The following DIP2A variants were observed in gnomAD, a reference collection of about 807,000 sequenced individuals.
DIP2A encodes disco-interacting protein 2 homolog A.
In DIP2A, 85 loss-of-function variants were observed where a neutral mutation model predicts 177.4. The observed-to-expected ratio is 0.48, with a 90% CI of 0.40 to 0.57. The LOEUF (loss-of-function observed/expected upper bound fraction) is 0.57. Ranked by LOEUF, DIP2A falls within the 20% of genes least tolerant of loss-of-function variation. The probability of loss-of-function intolerance (pLI) is 0.00; values close to 1 mark genes in which losing one functional copy is unlikely to be tolerated. For synonymous variants in DIP2A, 886 were observed against 881.8 expected, an observed-to-expected ratio of 1.00 and a Z score of -0.08; for missense variants, 1,791 against 2,100.2, an observed-to-expected ratio of 0.85 and a Z score of 2.88.
the DIP2A span, among the ~76,000 whole-genome samples, chr21:46,577,859 A>T: frequency 6.6e-6 from 1 of 152,170 alleles, no homozygotes; most frequent in Admixed American, 6.5e-5. Context: ...TTCCCTTGTT[A>T]ACTGTATTCC....
At chr21:46,504,744 A>G (rs2057885486) in intron 6 of DIP2A, among the ~76,000 whole-genome samples, 1 of 152,208 alleles carries the variant, frequency 6.6e-6, no homozygotes. Context: ...CCAAATTTAG[A>G]TAGGATGCAA....
chr21:46,484,211 G>C (rs1255791292), intron 1 of DIP2A, among the ~76,000 whole-genome samples: 1 of 152,134 alleles, frequency 6.6e-6, no homozygotes, highest in African/African-American at 2.4e-5. Flanking sequence ...TTTGGGATAT[G>C]GCCTTAGAGT....
intron 2 of DIP2A, among the ~76,000 whole-genome samples, chr21:46,490,138 AGGG>A (rs2056925056): frequency 2.6e-5 from 4 of 152,144 alleles, no homozygotes; most frequent in Non-Finnish European, 5.9e-5. Context: ...TTTGTATCAG[AGGG>A]CTACTGGTGG....
chr21:46,540,984 C>T (rs1219023860), intron 17 of DIP2A, among the ~76,000 whole-genome samples: 1 of 146,198 alleles, frequency 6.8e-6, no homozygotes, highest in Non-Finnish European at 1.5e-5. Flanking sequence ...CATTGCACTC[C>T]AGCCTGGGCA....
chr21:46,529,223 G>A, intron 9 of DIP2A, 40 bp downstream of exon 9: 3 of 1,211,490 alleles, frequency 2.5e-6, no homozygotes, highest in Non-Finnish European at 3.5e-6. Flanking sequence ...AGGAGCAAAA[G>A]CAGGGACTTA....
intron 34 of DIP2A, 85 bp downstream of exon 34, chr21:46,561,890 G>C: frequency 6.3e-7 from 1 of 1,575,258 alleles, no homozygotes; most frequent in South Asian, 1.2e-5. Context: ...GCTGGGGGCT[G>C]CGGCTCTGAT....
At chr21:46,459,675 C>T (rs1415607753) in intron 1 of DIP2A, among the ~76,000 whole-genome samples, 1 of 151,198 alleles carries the variant, frequency 6.6e-6, no homozygotes, top group Non-Finnish European at 1.5e-5. Flanking sequence ...CCCCTCAAAC[C>T]AGGGACCACT....
intron 8 of DIP2A, among the ~76,000 whole-genome samples, chr21:46,514,000 A>T (rs2058430897): frequency 6.6e-6 from 1 of 152,092 alleles, no homozygotes; most frequent in Non-Finnish European, 1.5e-5. Flanking sequence ...TCTGTCAGTA[A>T]TGTTTTTATA....
At chr21:46,562,306 C>T (rs745582716) in intron 34 of DIP2A, among the ~76,000 whole-genome samples, 1 of 152,212 alleles carries the variant, frequency 6.6e-6, no homozygotes, top group Non-Finnish European at 1.5e-5. Context: ...GGTCAGCAGA[C>T]ATAGGCACAG....
At chr21:46,518,582 C>T (rs1207645702) in intron 8 of DIP2A, among the ~76,000 whole-genome samples, 1 of 152,156 alleles carries the variant, frequency 6.6e-6, no homozygotes, top group Non-Finnish European at 1.5e-5. Context: ...AACGGCTGGG[C>T]ACGGTGGCTT....
intron 13 of DIP2A, among the ~76,000 whole-genome samples, chr21:46,536,037 G>T (rs1440765384): frequency 6.6e-6 from 1 of 152,232 alleles, no homozygotes; most frequent in Non-Finnish European, 1.5e-5. Context: ...TAATGGGATT[G>T]TGCCTATGAA....
At position 46,558,360 on chromosome 21, in the gene DIP2A, C is replaced by T. The variant is rs373648501; in HGVS notation, c.3936C>T (p.Phe1312=). The T allele has an allele frequency of 1.4e-5, 22 of 1,602,984 alleles. 1 individual carries two copies. In the Middle Eastern group the frequency reaches 5.0e-4, roughly 36 times the overall value. The change falls in exon 32 of 38, where the codon TTC becomes TTT. Residue 1312 remains phenylalanine, a synonymous_variant. Coordinates refer to ENST00000417564, the MANE Select transcript of DIP2A (RefSeq NM_015151.4). The part of the protein sequence containing the change: ...GLPARAVSTT[F]GCRVNVAICL... ...CGGCCCGCGCCGTAAGCACCACGTTCGGGTGCAGGGTCAACGTGGCCATCT... is the reference window on the plus strand; with the variant it reads ...CGGCCCGCGCCGTAAGCACCACGTTTGGGTGCAGGGTCAACGTGGCCATCT...
Position 46,534,053 on chromosome 21 carries a change from G to A in DIP2A, c.1479G>A (p.Lys493=). ...WLVIDGKHLA[K]PPKDWHPLAQ... is the part of the protein sequence containing the mutation. ...TGATTGATGGGAAGCATCTAGCCAA[G>A]CCCCCAAAGGACTGGCACCCTCTGG... Residue 493 remains lysine (K), a synonymous_variant, in exon 12 of 38, where the codon AAG becomes AAA. Transcript: ENST00000417564. 6.2e-7 allele frequency: 1 copy of A among 1,613,866 alleles called. No homozygotes were observed. The highest frequency in any genetic ancestry group is 8.5e-7 in the Non-Finnish European group (1 of 1,179,866).
rs1180881454 is a variant in DIP2A, at chr21:46,477,570, T to TGTGTGTGTGTGTGTGTGTGTGTGTG, written c.92-7187_92-7186insGTGTGTGTGTGTGTGTGTGTGTGTG. Among the ~76,000 whole-genome samples, 43 of 127,976 alleles carry TGTGTGTGTGTGTGTGTGTGTGTGTG rather than the reference T, an allele frequency of 3.4e-4. 1 individual carries two copies. The highest frequency in any genetic ancestry group is 5.1e-4 in the South Asian group (2 of 3,930). 84.0% of individuals were successfully genotyped at this position (127,976 alleles called of 152,430 possible). A position where few individuals can be genotyped will look rare whatever the true frequency, so the allele number is the denominator to read the frequency against. On this transcript the variant is annotated intron_variant, in intron 1 of 37. Coordinates refer to ENST00000417564, the MANE Select transcript of DIP2A (RefSeq NM_015151.4). ...GTGTGTGTGTGTGTGTGTGTGTGTATTTCTTTTTTTTTTTTTTTCTTGAGT... is the reference window on the plus strand; with the variant it reads ...GTGTGTGTGTGTGTGTGTGTGTGTATGTGTGTGTGTGTGTGTGTGTGTGTGTTCTTTTTTTTTTTTTTTCTTGAGT...
chr21:46,476,487 G>A (rs764573821), intron 1 of DIP2A, among the ~76,000 whole-genome samples: 17 of 152,106 alleles, frequency 1.1e-4, no homozygotes, highest in Non-Finnish European at 4.4e-5. Flanking sequence ...CACAGATAGA[G>A]ACTAGCATGG....
chr21:46,582,790 A>G, the DIP2A span, among the ~76,000 whole-genome samples: 1 of 152,154 alleles, frequency 6.6e-6, no homozygotes, highest in Non-Finnish European at 1.5e-5. Flanking sequence ...TTAACAACCA[A>G]GTGAATATGC....
intron 19 of DIP2A, 75 bp from the exon 20 acceptor site, chr21:46,545,806 T>C (rs900387007): frequency 4.9e-5 from 76 of 1,557,152 alleles, no homozygotes; most frequent in Non-Finnish European, 6.2e-5. Flanking sequence ...CTGAGCCTCC[T>C]GCCGCCTGCT....
chr21:46,538,402 GA>G, intron 15 of DIP2A, 80 bp from the exon 16 acceptor site: 1 of 1,490,974 alleles, frequency 6.7e-7, no homozygotes, highest in Non-Finnish European at 8.9e-7. Context: ...CTCTCTGTGG[GA>G]TGAGGTACAC....
chr21:46,466,536 A>G (rs563548993), intron 1 of DIP2A, among the ~76,000 whole-genome samples: 2 of 151,530 alleles, frequency 1.3e-5, no homozygotes, highest in South Asian at 2.1e-4. Context: ...TTTAGTAGAG[A>G]TTGGGTTTCA....
Sources: gnomAD v4.1 joint callset for allele counts (sites outside exome capture counted in the v4.1 genomes callset) on GRCh38, gnomAD v4.1.1 for gene constraint, MANE v1.5 for transcripts, NCBI Gene and HGNC (gene_info 2026-07-23, HGNC 2026-07-21) for gene names.